Variants in TPRG1 observed in about 807,000 individuals in gnomAD.
The protein encoded by TPRG1 is tumor protein p63-regulated gene 1 protein.
In TPRG1, 29 loss-of-function variants were observed where a neutral mutation model predicts 29.3. That is an observed-to-expected ratio of 0.99 (90% CI 0.74 to 1.35). The LOEUF (loss-of-function observed/expected upper bound fraction) is 1.35, where lower values mean the gene tolerates loss of function less well. Ranked by LOEUF, TPRG1 falls within the 40% of genes most tolerant of loss-of-function variation. The pLI is 0.00. For synonymous variants in TPRG1, 130 were observed against 116.8 expected (o/e 1.11, Z -0.73); for missense variants, 327 against 335.0 (o/e 0.98, Z 0.19).
At chr3:189,270,017 A>ATCT (rs72453037) in intron 4 of TPRG1, among the ~76,000 whole-genome samples, 8,683 of 148,728 alleles carry the variant, frequency 0.058, 308 homozygotes, top group Non-Finnish European at 0.077. Flanking sequence ...TCTTCTCTGG[A>ATCT]TCTTCTTCTT....
intron 1 of TPRG1, among the ~76,000 whole-genome samples, chr3:189,126,612 G>A (rs567788846): frequency 2.4e-4 from 37 of 152,280 alleles, no homozygotes; most frequent in African/African-American, 8.7e-4. Flanking sequence ...AGCAAAATGT[G>A]TCTGAATTCC....
rs1734548547 is a variant in TPRG1, at chr3:189,207,329, T to C, written c.-9-47T>C. 1.9e-6 allele frequency: 3 copies of C among 1,602,710 alleles called. No homozygotes were observed. The South Asian group carries it at 3.3e-5, about 18-fold the overall frequency. On this transcript the variant is annotated intron_variant, in intron 1 of 5. Coordinates refer to ENST00000345063, the MANE Select transcript of TPRG1 (RefSeq NM_198485.4). Reference sequence around the variant, plus strand: ...TGTTTTGCCATAGCTAGGACACAGGTACAGAGGTAACATTTTTTCAATGAG... The same window carrying C: ...TGTTTTGCCATAGCTAGGACACAGGCACAGAGGTAACATTTTTTCAATGAG...
intron 4 of TPRG1, among the ~76,000 whole-genome samples, chr3:189,053,189 C>T (rs1715440270): frequency 6.6e-6 from 1 of 152,182 alleles, no homozygotes; most frequent in Admixed American, 6.6e-5. Context: ...CTTCACCTTG[C>T]ACTTTTAGGA....
At chr3:189,120,081 T>C (rs1030139977) in intron 1 of TPRG1, among the ~76,000 whole-genome samples, 1 of 152,156 alleles carries the variant, frequency 6.6e-6, no homozygotes, top group Non-Finnish European at 1.5e-5. Flanking sequence ...TAAAACATAC[T>C]AAACGAACAA....
chr3:189,021,370 C>A (rs1034259497), intron 3 of TPRG1, among the ~76,000 whole-genome samples: 3 of 151,772 alleles, frequency 2.0e-5, no homozygotes, highest in African/African-American at 7.3e-5. Flanking sequence ...CGGCTGGTAC[C>A]GGTTGTTCGT....
chr3:189,258,858 C>A (rs1318718162), intron 4 of TPRG1, among the ~76,000 whole-genome samples: 1 of 152,154 alleles, frequency 6.6e-6, no homozygotes, highest in African/African-American at 2.4e-5. Context: ...CTCCCCCAAC[C>A]AAGCTCAGTG....
chr3:189,224,259 G>A (rs1737356971), intron 3 of TPRG1, among the ~76,000 whole-genome samples: 1 of 152,198 alleles, frequency 6.6e-6, no homozygotes, highest in South Asian at 2.1e-4. Flanking sequence ...AAAGCGGGTG[G>A]ATCACGAGGT....
intron 1 of TPRG1, among the ~76,000 whole-genome samples, chr3:189,195,379 G>C (rs980279928): frequency 6.6e-6 from 1 of 152,182 alleles, no homozygotes; most frequent in Non-Finnish European, 1.5e-5. Context: ...GGTAGGTGAA[G>C]TGGCTTCACC....
chr3:189,057,374 T>G (rs1455982213), intron 4 of TPRG1, among the ~76,000 whole-genome samples: 2 of 152,070 alleles, frequency 1.3e-5, no homozygotes, highest in Admixed American at 6.5e-5. Context: ...AGATTGAAAA[T>G]CATTTTGTAA....
intron 4 of TPRG1, among the ~76,000 whole-genome samples, chr3:189,303,197 G>T (rs995831907): frequency 3.9e-5 from 6 of 152,106 alleles, no homozygotes; most frequent in Non-Finnish European, 7.4e-5. Flanking sequence ...TCCCTTCTAG[G>T]TCTTAAAATC....
At chr3:189,209,239 G>C (rs1734883127) in intron 2 of TPRG1, among the ~76,000 whole-genome samples, 1 of 152,220 alleles carries the variant, frequency 6.6e-6, no homozygotes, top group Non-Finnish European at 1.5e-5. Context: ...TTGCCGTTAA[G>C]TAAACCAGGA....
At chr3:189,050,199 C>G (rs555150016) in intron 4 of TPRG1, among the ~76,000 whole-genome samples, 1 of 151,666 alleles carries the variant, frequency 6.6e-6, no homozygotes, top group South Asian at 2.1e-4. Flanking sequence ...CAAGATTAAC[C>G]GAGAAAAGAA....
chr3:189,210,668 G>A lies in TPRG1; in HGVS notation c.210+3074G>A, dbSNP rs374770844. Among the ~76,000 whole-genome samples, 125 of 152,234 alleles carry A rather than the reference G, an allele frequency of 8.2e-4. 2 individuals carry two copies. The South Asian group carries it at 0.012, about 15-fold the overall frequency. ...TCTGTCCTGAGACCACATTTTGAGC[G>A]TGAGTGAGCTAATCAACACACTTGT... On this transcript the variant is annotated intron_variant, in intron 2 of 5. Transcript: ENST00000345063.
At chr3:189,126,459 G>T (rs1354852492) in intron 1 of TPRG1, among the ~76,000 whole-genome samples, 1 of 152,160 alleles carries the variant, frequency 6.6e-6, no homozygotes, top group African/African-American at 2.4e-5. Flanking sequence ...TTTATAAATT[G>T]GGAAAAAATA....
chr3:189,020,716 G>T (rs1339364866), intron 3 of TPRG1, among the ~76,000 whole-genome samples: 1 of 130,012 alleles, frequency 7.7e-6, no homozygotes, highest in Non-Finnish European at 1.6e-5. Flanking sequence ...TGTTGATTTG[G>T]GGTGGAGAGT....
At chr3:189,040,941 T>C (rs1324737269) in intron 4 of TPRG1, among the ~76,000 whole-genome samples, 1 of 152,180 alleles carries the variant, frequency 6.6e-6, no homozygotes, top group African/African-American at 2.4e-5. Flanking sequence ...CCCAAGAGGC[T>C]CCTCAAGCCT....
At chr3:189,235,868 G>A (rs115291625) in intron 3 of TPRG1, among the ~76,000 whole-genome samples, 213 of 152,248 alleles carry the variant, frequency 1.4e-3, no homozygotes, top group African/African-American at 5.0e-3. Context: ...TTCAAAATGA[G>A]GGTAATAACA....
chr3:189,063,662 T>A (rs545347286), intron 4 of TPRG1, among the ~76,000 whole-genome samples: 53 of 151,086 alleles, frequency 3.5e-4, no homozygotes, highest in Admixed American at 3.0e-3. Context: ...AAATACTTTA[T>A]TGGTCAAAAA....
chr3:189,202,624 GT>G (rs965154953), intron 1 of TPRG1, among the ~76,000 whole-genome samples: 1 of 151,988 alleles, frequency 6.6e-6, no homozygotes, highest in African/African-American at 2.4e-5. Flanking sequence ...CCTAAAAGCT[GT>G]TTTTTTCCTT....
Sources: allele counts gnomAD v4.1 joint callset (sites outside exome capture counted in the v4.1 genomes callset), GRCh38; gene constraint gnomAD v4.1.1; transcripts MANE v1.5; gene names NCBI Gene and HGNC (gene_info 2026-07-23, HGNC 2026-07-21).